Variants in WWOX observed in about 807,000 individuals in gnomAD.
WWOX encodes the protein WW domain-containing oxidoreductase.
WWOX carries 69 observed loss-of-function variants against 46.2 expected under a neutral mutation model. The ratio of observed to expected loss-of-function variants is 1.49; its 90% CI spans 1.23 to 1.82. WWOX has a LOEUF of 1.82. Ranked by LOEUF, WWOX falls within the 40% of genes most tolerant of loss-of-function variation. The pLI, the probability that WWOX is intolerant of heterozygous loss-of-function variation, is 0.00. For missense variants in WWOX, 919 were observed against 542.6 expected, an observed-to-expected ratio of 1.69 and a Z score of -6.89; for synonymous variants, 359 against 202.6, an observed-to-expected ratio of 1.77 and a Z score of -6.56.
chr16:78,557,447 G>A (rs986069167), intron 8 of WWOX, among the ~76,000 whole-genome samples: 1 of 152,022 alleles, frequency 6.6e-6, no homozygotes, highest in African/African-American at 2.4e-5. Context: ...TAGGTGTTGG[G>A]GATACATCCA....
At position 78,503,263 on chromosome 16, in the gene WWOX, G is replaced by A. The variant is rs376127972; in HGVS notation, c.1056+70511G>A. ...GTCTTCCATCCGCTGGTAAAATCTG[G>A]AATCTGCTCTCATTTCATTTTCACT... is the stretch of plus-strand genomic sequence containing the variant. On this transcript the variant is annotated intron_variant, in intron 8 of 8. Coordinates refer to ENST00000566780, the MANE Select transcript of WWOX (RefSeq NM_016373.4). 2.6e-5 allele frequency among the ~76,000 whole-genome samples: 4 copies of A among 152,150 alleles called. 1 individual carries two copies. Among genetic ancestry groups the A allele is most frequent in the African/African-American group, 9.6e-5 (4 of 41,512 alleles).
At chr16:78,998,035 C>T (rs1256554783) in intron 8 of WWOX, among the ~76,000 whole-genome samples, 2 of 152,096 alleles carry the variant, frequency 1.3e-5, no homozygotes, top group South Asian at 4.1e-4. Context: ...CGCCACCATA[C>T]CTAGCTAATT....
intron 8 of WWOX, among the ~76,000 whole-genome samples, chr16:78,789,844 T>G (rs1220487613): frequency 6.6e-6 from 1 of 152,156 alleles, no homozygotes; most frequent in Non-Finnish European, 1.5e-5. Context: ...TTTCGTTAAT[T>G]CCTGTGACCA....
intron 8 of WWOX, among the ~76,000 whole-genome samples, chr16:78,528,647 C>T (rs1249886973): frequency 6.6e-6 from 1 of 152,152 alleles, no homozygotes; most frequent in African/African-American, 2.4e-5. Flanking sequence ...CTTGTTTCTT[C>T]TAAGCACTTC....
intron 8 of WWOX, among the ~76,000 whole-genome samples, chr16:78,811,463 T>C (rs911808530): frequency 1.3e-5 from 2 of 151,978 alleles, no homozygotes; most frequent in African/African-American, 4.8e-5. Context: ...CCCTTTCCTT[T>C]CTCCTCTCCT....
chr16:78,980,398 C>A (rs1014698878), intron 8 of WWOX, among the ~76,000 whole-genome samples: 1 of 152,056 alleles, frequency 6.6e-6, no homozygotes, highest in African/African-American at 2.4e-5. Context: ...GGTTTTAGTT[C>A]TCTTGGCTGT....
chr16:78,386,832 C>T (rs779503964), intron 5 of WWOX, 28 bp from the exon 6 acceptor site: 4 of 1,590,786 alleles, frequency 2.5e-6, no homozygotes, highest in South Asian at 2.2e-5. Flanking sequence ...TGTTATTTAT[C>T]ATTTCTTTTT....
At chr16:79,194,360 C>G (rs144884697) in intron 8 of WWOX, among the ~76,000 whole-genome samples, 1,604 of 152,270 alleles carry the variant, frequency 0.011, 41 homozygotes, top group Non-Finnish European at 0.011. Context: ...GTGCGCCAAG[C>G]TTTGGGTTGG....
At chr16:78,828,090 G>C (rs758676842) in intron 8 of WWOX, among the ~76,000 whole-genome samples, 1 of 152,164 alleles carries the variant, frequency 6.6e-6, no homozygotes, top group Admixed American at 6.5e-5. Context: ...TCCTCAGGCT[G>C]TGAGGCCTTA....
At chr16:78,524,329 C>A (rs1054008195) in intron 8 of WWOX, among the ~76,000 whole-genome samples, 1 of 152,130 alleles carries the variant, frequency 6.6e-6, no homozygotes, top group Admixed American at 6.6e-5. Context: ...AAGCCACTTT[C>A]TTCTCCCTCT....
chr16:78,423,579 T>TA (rs1009920562), intron 6 of WWOX, among the ~76,000 whole-genome samples: 5 of 152,122 alleles, frequency 3.3e-5, no homozygotes, highest in Non-Finnish European at 1.5e-5. Flanking sequence ...ACAATTTTGT[T>TA]ACGTTTGTGA....
chr16:78,179,335 A>G lies in WWOX; in HGVS notation c.516+15046A>G, dbSNP rs1455872666. Reference sequence around the variant, plus strand: ...GGAAAGAGTTATGGATTAACAGATTACATTTGGGTATATTGTGGTTGTGAA... The same window carrying G: ...GGAAAGAGTTATGGATTAACAGATTGCATTTGGGTATATTGTGGTTGTGAA... On this transcript the variant is annotated intron_variant, in intron 5 of 8. Transcript: ENST00000566780. Among the ~76,000 whole-genome samples, 3 of 152,316 alleles carry G rather than the reference A, an allele frequency of 2.0e-5. No homozygotes were observed. The East Asian group carries it at 5.8e-4, about 29-fold the overall frequency.
At chr16:78,638,363 A>G (rs910642339) in intron 8 of WWOX, among the ~76,000 whole-genome samples, 1 of 151,874 alleles carries the variant, frequency 6.6e-6, no homozygotes, top group Non-Finnish European at 1.5e-5. Context: ...AGCTCTTTTC[A>G]TTCCCTGTCC....
chr16:79,196,719 C>CT (rs149772200), intron 8 of WWOX, among the ~76,000 whole-genome samples: 20 of 147,898 alleles, frequency 1.4e-4, no homozygotes, highest in South Asian at 6.5e-4. Flanking sequence ...CAATGAGAGA[C>CT]TTTTTTTTTT....
At chr16:78,445,939 AT>A (rs1440808123) in intron 8 of WWOX, among the ~76,000 whole-genome samples, 1 of 152,126 alleles carries the variant, frequency 6.6e-6, no homozygotes, top group Non-Finnish European at 1.5e-5. Context: ...TACGTTTTTG[AT>A]GAGCCTAGCC....
chr16:78,227,055 G>C (rs1251520164), intron 5 of WWOX, among the ~76,000 whole-genome samples: 2 of 152,178 alleles, frequency 1.3e-5, no homozygotes, highest in Non-Finnish European at 2.9e-5. Context: ...CAGTGGTTCA[G>C]CTTCCCGTTC....
chr16:79,090,280 CGTGTGTGTGT>C (rs61538157), intron 8 of WWOX, among the ~76,000 whole-genome samples: 222 of 138,378 alleles, frequency 1.6e-3, no homozygotes, highest in African/African-American at 5.1e-3. Context: ...CTACTGTGTG[CGTGTGTGTGT>C]GTGTGTGTGT....
At chr16:78,525,855 A>G (rs1945309565) in intron 8 of WWOX, 1 of 152,148 alleles carries the variant, frequency 6.6e-6, no homozygotes, top group East Asian at 1.9e-4. Context: ...TAAAAAAAAA[A>G]AAAAAAAGGG....
intron 8 of WWOX, among the ~76,000 whole-genome samples, chr16:78,461,136 T>A (rs1328046150): frequency 6.6e-6 from 1 of 152,228 alleles, no homozygotes; most frequent in Non-Finnish European, 1.5e-5. Context: ...ACTTTCTGAC[T>A]TGATGAAAAT....
Sources: allele counts gnomAD v4.1 joint callset (sites outside exome capture counted in the v4.1 genomes callset), GRCh38; gene constraint gnomAD v4.1.1; transcripts MANE v1.5; gene names NCBI Gene and HGNC (gene_info 2026-07-23, HGNC 2026-07-21).